The following SGPL1 variants were observed in gnomAD, a reference collection of about 807,000 sequenced individuals.
SGPL1 encodes sphingosine-1-phosphate lyase 1.
In SGPL1, 37 loss-of-function variants were observed where a neutral mutation model predicts 68.9. The ratio of observed to expected loss-of-function variants is 0.54; its 90% confidence interval spans 0.41 to 0.71. SGPL1 has a LOEUF of 0.71. Ranked by LOEUF, SGPL1 falls within the 30% of genes least tolerant of loss-of-function variation. The pLI, the probability that SGPL1 is intolerant of heterozygous loss-of-function variation, is 0.00. For synonymous variants in SGPL1, 236 were observed against 248.5 expected (o/e 0.95, Z 0.47); for missense variants, 551 against 704.6 (o/e 0.78, Z 2.47).
chr10:70,816,653 T>G (rs544849303), intron 1 of SGPL1, among the ~76,000 whole-genome samples, 158 bp from the exon 2 acceptor site: 1 of 152,264 alleles, frequency 6.6e-6, no homozygotes, highest in East Asian at 1.9e-4. Flanking sequence ...TTTGATTCGC[T>G]GGTCTGGGGT....
At chr10:70,870,937 G>A in intron 9 of SGPL1, 111 bp from the exon 10 acceptor site, 1 of 778,634 alleles carries the variant, frequency 1.3e-6, no homozygotes, top group South Asian at 1.5e-5. Context: ...GAAGGAGGGG[G>A]TACTGGTGGA....
At position 70,873,432 on chromosome 10, in the gene SGPL1, G is replaced by T. The variant is rs1286976280; in HGVS notation, c.1141G>T (p.Asp381Tyr). The T allele has an allele frequency of 1.1e-5, 17 of 1,614,158 alleles. No individual in the cohort carries two copies. In the Admixed American group the frequency reaches 2.8e-4, roughly 27 times the overall value. Reference sequence around the variant, plus strand: ...GAACTATCAGTTCTTCGTCGATACAGATTGGCAGGGTGGCATCTATGCTTC... The same window carrying T: ...GAACTATCAGTTCTTCGTCGATACATATTGGCAGGGTGGCATCTATGCTTC... ...YRNYQFFVDT[D>Y]WQGGIYASPT... The change falls in exon 12 of 15, where the codon GAT (aspartate) becomes TAT (tyrosine). Residue 381 changes from aspartate to tyrosine, a missense_variant. Coordinates refer to ENST00000373202, the MANE Select transcript of SGPL1 (RefSeq NM_003901.4).
intron 2 of SGPL1, among the ~76,000 whole-genome samples, chr10:70,828,111 CAT>C (rs1349376858): frequency 6.6e-6 from 1 of 152,122 alleles, no homozygotes; most frequent in African/African-American, 2.4e-5. Flanking sequence ...TCTTGGTAAA[CAT>C]AAAATGTAGA....
intron 12 of SGPL1, among the ~76,000 whole-genome samples, chr10:70,874,512 G>T (rs993363399): frequency 6.6e-6 from 1 of 152,146 alleles, no homozygotes; most frequent in Non-Finnish European, 1.5e-5. Flanking sequence ...ATCACCTGAG[G>T]TCCAGAGTTC....
At chr10:70,818,498 CTCTT>C (rs1845280269) in intron 2 of SGPL1, among the ~76,000 whole-genome samples, 1 of 152,222 alleles carries the variant, frequency 6.6e-6, no homozygotes, top group African/African-American at 2.4e-5. Context: ...TCATTTCTCT[CTCTT>C]TATCTCACTA....
chr10:70,835,794 C>T (rs1386785940), intron 2 of SGPL1, among the ~76,000 whole-genome samples: 8 of 149,302 alleles, frequency 5.4e-5, no homozygotes, highest in African/African-American at 2.0e-4. Flanking sequence ...TGAAGGGAAA[C>T]TTTCTGTAGG....
chr10:70,825,847 A>G (rs1845424979), intron 2 of SGPL1, among the ~76,000 whole-genome samples: 1 of 152,368 alleles, frequency 6.6e-6, no homozygotes, highest in Admixed American at 6.5e-5. Flanking sequence ...AGAAAAACCT[A>G]AAGTAATAGA....
At chr10:70,875,166 G>A (rs1024337185) in intron 12 of SGPL1, among the ~76,000 whole-genome samples, 3 of 152,192 alleles carry the variant, frequency 2.0e-5, no homozygotes, top group Non-Finnish European at 4.4e-5. Context: ...ATTAGATCTA[G>A]ATGGGGTTTG....
chr10:70,835,258 A>T (rs902083441), intron 2 of SGPL1, among the ~76,000 whole-genome samples: 1 of 152,220 alleles, frequency 6.6e-6, no homozygotes, highest in Non-Finnish European at 1.5e-5. Context: ...TTGTATTCTT[A>T]TCAGCACCTG....
chr10:70,827,753 A>G (rs1338909654), intron 2 of SGPL1, among the ~76,000 whole-genome samples: 1 of 152,206 alleles, frequency 6.6e-6, no homozygotes. Context: ...ATATTTATGT[A>G]TGAATATACT....
chr10:70,816,585 A>G (rs1451044170), intron 1 of SGPL1, among the ~76,000 whole-genome samples: 3 of 152,092 alleles, frequency 2.0e-5, no homozygotes, highest in Admixed American at 1.3e-4. Flanking sequence ...GCTTTGTGGG[A>G]GTCTGGGTCT....
chr10:70,852,094 G>C (rs530323490), intron 4 of SGPL1, among the ~76,000 whole-genome samples: 13 of 152,304 alleles, frequency 8.5e-5, no homozygotes, highest in Non-Finnish European at 1.8e-4. Flanking sequence ...TGAGTCCTTG[G>C]AATCTTCATC....
intron 2 of SGPL1, among the ~76,000 whole-genome samples, chr10:70,834,825 A>G (rs914446703): frequency 6.6e-6 from 1 of 152,212 alleles, no homozygotes; most frequent in Non-Finnish European, 1.5e-5. Flanking sequence ...AAAACTAGGC[A>G]GTGGAAAAAA....
At chr10:70,831,707 G>T (rs1845538775) in intron 2 of SGPL1, among the ~76,000 whole-genome samples, 1 of 152,120 alleles carries the variant, frequency 6.6e-6, no homozygotes, top group Non-Finnish European at 1.5e-5. Flanking sequence ...GTCCTTTTGG[G>T]TTTTTATGGA....
intron 3 of SGPL1, among the ~76,000 whole-genome samples, chr10:70,846,717 T>G (rs940303284): frequency 6.6e-6 from 1 of 152,236 alleles, no homozygotes; most frequent in Non-Finnish European, 1.5e-5. Context: ...GAGATTTATA[T>G]TTTACTTGCT....
At position 70,877,882 on chromosome 10, in the gene SGPL1, T is replaced by C. The variant is rs1416152629; in HGVS notation, c.*547T>C. ...CAGTCTGGAGTGCAGTGGCATGATC[T>C]CAGCTCACTGCAACCTCCACCCACT... On this transcript the variant is annotated 3_prime_UTR_variant, in exon 15 of 15. Transcript: ENST00000373202. 1 of 145,004 alleles carries C rather than the reference T, an allele frequency of 6.9e-6. No homozygotes were observed. The highest frequency in any genetic ancestry group is 1.5e-5 in the Non-Finnish European group (1 of 66,746). 9.0% of individuals were successfully genotyped at this position (145,004 alleles called of 1,614,324 possible). A position where few individuals can be genotyped will look rare whatever the true frequency, so the allele number is the denominator to read the frequency against.
Position 70,851,202 on chromosome 10 carries a change from G to T in SGPL1, c.253G>T (p.Gly85Cys). The T allele has an allele frequency of 6.2e-7, 1 of 1,612,610 alleles. No homozygotes were observed. The highest frequency in any genetic ancestry group is 8.5e-7 in the Non-Finnish European group (1 of 1,178,720). ...GCTCACCAGGAAGATGCCCATTATT[G>T]GTCGTAAGGTAAGTAGAATCTGTGT... ...FKLTRKMPII[G>C]RKIQDKLNKT... The change falls in exon 4 of 15, where the codon GGT becomes TGT. Residue 85 changes from glycine (G) to cysteine (C), a missense_variant. By Grantham distance (159) the Gly-to-Cys change is radical (BLOSUM62 -3). Coordinates refer to ENST00000373202, the MANE Select transcript of SGPL1 (RefSeq NM_003901.4).
chr10:70,864,203 A>T (rs185764273), intron 7 of SGPL1, among the ~76,000 whole-genome samples: 23 of 152,230 alleles, frequency 1.5e-4, no homozygotes, highest in African/African-American at 5.5e-4. Flanking sequence ...GTCTATTTGA[A>T]AGCCCCTTTC....
chr10:70,816,910 C>A, intron 2 of SGPL1, 30 bp downstream of exon 2: 1 of 1,611,636 alleles, frequency 6.2e-7, no homozygotes, highest in Non-Finnish European at 8.5e-7. Flanking sequence ...CCTCCTGGTT[C>A]CAAGGCATTT....
Sources: allele counts gnomAD v4.1 joint callset (sites outside exome capture counted in the v4.1 genomes callset), GRCh38; gene constraint gnomAD v4.1.1; transcripts MANE v1.5; gene names NCBI Gene and HGNC (gene_info 2026-07-23, HGNC 2026-07-21).